The following SLC4A5 variants were observed in gnomAD, a reference collection of about 807,000 sequenced individuals.
SLC4A5 encodes the protein solute carrier family 4 member 5.
SLC4A5 carries 96 observed loss-of-function variants against 120.4 expected under a neutral mutation model. That is an observed-to-expected ratio of 0.80 (90% CI 0.68 to 0.94). The LOEUF (loss-of-function observed/expected upper bound fraction) is 0.94, where lower values mean the gene tolerates loss of function less well. Ranked by LOEUF, SLC4A5 falls within the 40% of genes least tolerant of loss-of-function variation. SLC4A5 has a pLI of 0.00. For synonymous variants in SLC4A5, 550 were observed against 571.1 expected (o/e 0.96, Z 0.53); for missense variants, 1,259 against 1,459.5 (o/e 0.86, Z 2.24).
chr2:74,333,221 G>GC, intron 4 of SLC4A5, among the ~76,000 whole-genome samples: 1 of 152,208 alleles, frequency 6.6e-6, no homozygotes, highest in Middle Eastern at 3.4e-3. Context: ...TACAAGGATG[G>GC]CCCCCACAAC....
chr2:74,283,390 G>C (rs896671769), intron 8 of SLC4A5, among the ~76,000 whole-genome samples: 4 of 152,226 alleles, frequency 2.6e-5, no homozygotes, highest in African/African-American at 9.7e-5. Context: ...TTCAAAGAAC[G>C]GCATCATAGG....
intron 4 of SLC4A5, 21 bp from the exon 5 acceptor site, chr2:74,328,207 C>T (rs931380285): frequency 2.0e-6 from 2 of 985,514 alleles, no homozygotes; most frequent in Non-Finnish European, 2.4e-6. Context: ...GCAAGAAGGG[C>T]TCTCTGTGGT....
At chr2:74,341,818 T>C (rs1673633228) in intron 2 of SLC4A5, among the ~76,000 whole-genome samples, 1 of 152,134 alleles carries the variant, frequency 6.6e-6, no homozygotes, top group African/African-American at 2.4e-5. Context: ...TGTTTTTCCA[T>C]CAGGGCTGCT....
chr2:74,308,750 T>TC (rs927344631), intron 6 of SLC4A5, among the ~76,000 whole-genome samples: 24 of 151,322 alleles, frequency 1.6e-4, no homozygotes, highest in Non-Finnish European at 2.1e-4. Flanking sequence ...TTTTTTTTTT[T>TC]CATCAATTGT....
At chr2:74,339,217 G>A (rs1673568683) in intron 2 of SLC4A5, 1 of 152,268 alleles carries the variant, frequency 6.6e-6, no homozygotes, top group East Asian at 1.9e-4. Flanking sequence ...ATGGTGCTAT[G>A]GAATGATTTT....
At chr2:74,292,453 T>C (rs1019105907) in intron 7 of SLC4A5, among the ~76,000 whole-genome samples, 2 of 152,184 alleles carry the variant, frequency 1.3e-5, no homozygotes, top group Admixed American at 6.5e-5. Context: ...TCTAATGCCC[T>C]GCGGATCCCA....
chr2:74,264,294 C>G (rs1322235279), exon 10 of SLC4A5: 2 of 1,613,402 alleles, frequency 1.2e-6, no homozygotes, highest in Non-Finnish European at 1.7e-6. Flanking sequence ...TTCTCAATGA[C>G]ATCATCTGTG....
In SLC4A5 at chr2:74,226,242, A is replaced by C. The variant is rs182867487; in HGVS notation, c.3090+715T>G. Among the ~76,000 whole-genome samples the C allele has an allele frequency of 2.6e-5, 4 of 152,250 alleles. No homozygotes were observed. The East Asian group carries it at 5.8e-4, about 22-fold the overall frequency. ...GCAGTGTGCACTTCAAGTTCTCCTC[A>C]GTGTCCTTACTTTGTCCCCTACCCC... On this transcript the variant is annotated intron_variant, in intron 27 of 30. Coordinates refer to ENST00000394019, the Ensembl canonical transcript of SLC4A5.
chr2:74,221,572 C>G, intron 29 of SLC4A5, 71 bp from the exon 30 acceptor site: 2 of 1,473,058 alleles, frequency 1.4e-6, no homozygotes, highest in African/African-American at 2.8e-5. Flanking sequence ...CTTCCCCCAC[C>G]ATTTCCTTTC....
chr2:74,314,802 A>T, intron 6 of SLC4A5, 143 bp downstream of exon 6: 1 of 730,132 alleles, frequency 1.4e-6, no homozygotes. Context: ...GGCTGGTCCC[A>T]CCAGCCTCAA....
At chr2:74,225,055 C>A (rs1350299644) in intron 27 of SLC4A5, 60 bp from the exon 28 acceptor site, 6 of 1,536,412 alleles carry the variant, frequency 3.9e-6, no homozygotes, top group Non-Finnish European at 5.3e-6. Flanking sequence ...GTCTCAATGC[C>A]CAAACTCAGG....
intron 8 of SLC4A5, among the ~76,000 whole-genome samples, chr2:74,277,826 T>A (rs954423498): frequency 3.3e-5 from 5 of 152,146 alleles, no homozygotes; most frequent in African/African-American, 9.7e-5. Context: ...AACGGCATTG[T>A]GTTTACAATG....
chr2:74,337,707 G>C (rs960571897), intron 3 of SLC4A5, among the ~76,000 whole-genome samples: 3 of 152,206 alleles, frequency 2.0e-5, no homozygotes, highest in Non-Finnish European at 4.4e-5. Context: ...ATTGATCTCT[G>C]CTCCGAAATT....
chr2:74,224,564 C>T (rs1447046426), intron 28 of SLC4A5, among the ~76,000 whole-genome samples: 2 of 152,256 alleles, frequency 1.3e-5, no homozygotes, highest in African/African-American at 4.8e-5. Context: ...TGATCACGGC[C>T]GTAAAGCCCA....
intron 5 of SLC4A5, among the ~76,000 whole-genome samples, chr2:74,320,156 T>C (rs1673060382): frequency 6.6e-6 from 1 of 151,654 alleles, no homozygotes; most frequent in South Asian, 2.1e-4. Context: ...AACCAGAGGA[T>C]CAATCCAGGA....
At chr2:74,289,735 A>G (rs1385604250) in intron 7 of SLC4A5, among the ~76,000 whole-genome samples, 1 of 152,056 alleles carries the variant, frequency 6.6e-6, no homozygotes, top group Non-Finnish European at 1.5e-5. Context: ...AAATAACCTT[A>G]TTTTTTCTTA....
At chr2:74,327,811 T>C (rs945965933) in intron 5 of SLC4A5, among the ~76,000 whole-genome samples, 1 of 152,208 alleles carries the variant, frequency 6.6e-6, no homozygotes, top group Non-Finnish European at 1.5e-5. Flanking sequence ...TCAGTTCTAT[T>C]AGATGAGAAC....
intron 5 of SLC4A5, 38 bp from the exon 6 acceptor site, chr2:74,315,063 A>T: frequency 6.6e-7 from 1 of 1,513,664 alleles, no homozygotes; most frequent in East Asian, 2.3e-5. Context: ...AAATGTATAC[A>T]TTAAAAAGGG....
At chr2:74,243,505 G>T (rs1670513715) in intron 19 of SLC4A5, among the ~76,000 whole-genome samples, 1 of 152,198 alleles carries the variant, frequency 6.6e-6, no homozygotes, top group Non-Finnish European at 1.5e-5. Flanking sequence ...TCATTTATTA[G>T]AAATTGGGGT....
Sources: gnomAD v4.1 joint callset for allele counts (sites outside exome capture counted in the v4.1 genomes callset) on GRCh38, gnomAD v4.1.1 for gene constraint, MANE v1.5 for transcripts, NCBI Gene and HGNC (gene_info 2026-07-23, HGNC 2026-07-21) for gene names.